ROBO1: variants seen among roughly 807,000 people sequenced by gnomAD.
ROBO1 encodes roundabout homolog 1.
ROBO1 carries 149 observed loss-of-function variants against 195.9 expected under a neutral mutation model. The ratio of observed to expected loss-of-function variants is 0.76; its 90% CI spans 0.67 to 0.87. The LOEUF (loss-of-function observed/expected upper bound fraction) is 0.87. ROBO1 is among the 40% of genes least tolerant of loss of function. ROBO1 has a pLI of 0.00. For missense variants in ROBO1, 1,933 were observed against 2,068.3 expected (o/e 0.93, Z 1.27); for synonymous variants, 816 against 733.2 (o/e 1.11, Z -1.82).
At chr3:78,950,577 G>A (rs1006625648) in intron 3 of ROBO1, among the ~76,000 whole-genome samples, 1 of 150,800 alleles carries the variant, frequency 6.6e-6, no homozygotes, top group Non-Finnish European at 1.5e-5. Flanking sequence ...ACGAGTTAAT[G>A]GGTGCAGCAC....
chr3:79,181,414 C>T (rs529221224), intron 2 of ROBO1, among the ~76,000 whole-genome samples: 5 of 152,280 alleles, frequency 3.3e-5, no homozygotes, highest in Admixed American at 1.3e-4. Flanking sequence ...ATACCCTAAA[C>T]TTTGAGACTT....
At chr3:78,967,680 T>C (rs1264790594) in intron 3 of ROBO1, among the ~76,000 whole-genome samples, 2 of 152,206 alleles carry the variant, frequency 1.3e-5, no homozygotes, top group Non-Finnish European at 2.9e-5. Flanking sequence ...TTATTTTTAG[T>C]ATTTTTTAAT....
In ROBO1 at chr3:79,449,766, A is replaced by C. The variant is rs180925568; in HGVS notation, c.88+140058T>G. ...ATCCTATAAGCTATGGTTTTAAAAAAGGAAAGTTTAAAAAAGTTTATGGTG... is the reference window on the plus strand; with the variant it reads ...ATCCTATAAGCTATGGTTTTAAAAACGGAAAGTTTAAAAAAGTTTATGGTG... On this transcript the variant is annotated intron_variant, in intron 2 of 30. Transcript: ENST00000464233. Among the ~76,000 whole-genome samples, 43 of 152,306 alleles carry C rather than the reference A, an allele frequency of 2.8e-4. 1 individual carries two copies. In the East Asian group the frequency reaches 3.3e-3, roughly 12 times the overall value.
chr3:78,783,770 T>G (rs988711601), intron 4 of ROBO1, among the ~76,000 whole-genome samples: 14 of 152,166 alleles, frequency 9.2e-5, no homozygotes, highest in Admixed American at 8.5e-4. Context: ...CTCCCAAGGT[T>G]GCTTTTTAGC....
chr3:79,303,531 A>G (rs986042126), intron 2 of ROBO1, among the ~76,000 whole-genome samples: 3 of 152,058 alleles, frequency 2.0e-5, no homozygotes, highest in African/African-American at 7.2e-5. Context: ...AGAATACAAT[A>G]TATTATTATT....
At chr3:79,472,071 A>C in intron 2 of ROBO1, among the ~76,000 whole-genome samples, 1 of 152,098 alleles carries the variant, frequency 6.6e-6, no homozygotes, top group African/African-American at 2.4e-5. Context: ...GTACCCCAGA[A>C]CTTAAAGTAT....
intron 2 of ROBO1, among the ~76,000 whole-genome samples, chr3:79,136,206 C>T (rs1453960487): frequency 6.6e-6 from 1 of 152,040 alleles, no homozygotes; most frequent in Non-Finnish European, 1.5e-5. Context: ...AAGAGAAAAG[C>T]CTGTTGGTTT....
intron 2 of ROBO1, among the ~76,000 whole-genome samples, chr3:79,455,421 G>T (rs2039586627): frequency 6.6e-6 from 1 of 152,080 alleles, no homozygotes; most frequent in Non-Finnish European, 1.5e-5. Context: ...TGTCATAATT[G>T]TGAGGTGTGT....
intron 2 of ROBO1, among the ~76,000 whole-genome samples, chr3:79,297,674 T>C (rs1444034989): frequency 2.0e-5 from 3 of 152,140 alleles, no homozygotes; most frequent in Admixed American, 1.3e-4. Flanking sequence ...GTAAACAAAA[T>C]ACCATTTCTC....
chr3:78,599,893 C>T, intron 30 of ROBO1: 1 of 574,682 alleles, frequency 1.7e-6, no homozygotes, highest in Non-Finnish European at 3.1e-6. Flanking sequence ...GAAGATAAAC[C>T]CTAGCTAAAC....
chr3:79,510,616 T>G (rs1940653813), intron 2 of ROBO1, among the ~76,000 whole-genome samples: 1 of 151,520 alleles, frequency 6.6e-6, no homozygotes, highest in South Asian at 2.1e-4. Context: ...ATTCTAGCCA[T>G]CTCATAAAAT....
chr3:78,676,933 A>G (rs113364266), intron 10 of ROBO1, among the ~76,000 whole-genome samples: 2 of 152,272 alleles, frequency 1.3e-5, no homozygotes, highest in South Asian at 2.1e-4. Flanking sequence ...GAGAAAGGTC[A>G]GGTTACCCAC....
At chr3:79,441,071 T>A (rs1461543162) in intron 2 of ROBO1, among the ~76,000 whole-genome samples, 1 of 152,156 alleles carries the variant, frequency 6.6e-6, no homozygotes, top group African/African-American at 2.4e-5. Flanking sequence ...CCAAAAAACA[T>A]ATATGCTAAA....
At chr3:78,998,917 A>AATATCTTCATATTCTGTG (rs2077430511) in intron 3 of ROBO1, among the ~76,000 whole-genome samples, 1 of 152,070 alleles carries the variant, frequency 6.6e-6, no homozygotes, top group African/African-American at 2.4e-5. Flanking sequence ...CTTAACACAG[A>AATATCTTCATATTCTGTG]ATATCTTCAT....
intron 5 of ROBO1, among the ~76,000 whole-genome samples, chr3:78,743,400 CG>C (rs779673262): frequency 1.3e-5 from 2 of 152,100 alleles, no homozygotes. Context: ...CTTTACTTGG[CG>C]GCCCTTCTAA....
At chr3:79,657,942 C>A (rs902126562) in intron 1 of ROBO1, among the ~76,000 whole-genome samples, 1 of 151,912 alleles carries the variant, frequency 6.6e-6, no homozygotes, top group Non-Finnish European at 1.5e-5. Flanking sequence ...AAGCATCTAT[C>A]AATGGTGTCA....
At chr3:79,488,851 G>T (rs1374016986) in intron 2 of ROBO1, among the ~76,000 whole-genome samples, 1 of 152,108 alleles carries the variant, frequency 6.6e-6, no homozygotes, top group Non-Finnish European at 1.5e-5. Flanking sequence ...AAAGTGACAA[G>T]GAATTAAGTT....
intron 4 of ROBO1, among the ~76,000 whole-genome samples, chr3:78,898,515 G>T (rs971379270): frequency 2.2e-4 from 32 of 148,208 alleles, no homozygotes; most frequent in African/African-American, 7.9e-4. Context: ...GGCCTCCCAA[G>T]TAGCTGGGAC....
At chr3:79,537,715 T>C (rs1251395908) in intron 2 of ROBO1, among the ~76,000 whole-genome samples, 1 of 151,434 alleles carries the variant, frequency 6.6e-6, no homozygotes, top group Non-Finnish European at 1.5e-5. Flanking sequence ...GAGGGGAACA[T>C]CACACACGGG....
Sources: gnomAD v4.1 joint callset for allele counts (sites outside exome capture counted in the v4.1 genomes callset) on GRCh38, gnomAD v4.1.1 for gene constraint, MANE v1.5 for transcripts, NCBI Gene and HGNC (gene_info 2026-07-23, HGNC 2026-07-21) for gene names.